The following HR variants were observed in gnomAD, a reference collection of about 807,000 sequenced individuals.
HR encodes HR lysine demethylase and nuclear receptor corepressor, also known as lysine-specific demethylase hairless.
Under a neutral mutation model 128.6 loss-of-function variants are expected in HR, and 83 were observed. The observed-to-expected ratio is 0.65, with a 90% CI of 0.54 to 0.77. HR has a LOEUF of 0.77. Ranked by LOEUF, HR falls within the 30% of genes least tolerant of loss-of-function variation. The pLI, the probability that HR is intolerant of heterozygous loss-of-function variation, is 0.00. For synonymous variants in HR, 681 were observed against 658.2 expected, an observed-to-expected ratio of 1.03 and a Z score of -0.53; for missense variants, 1,490 against 1,574.6, an observed-to-expected ratio of 0.95 and a Z score of 0.91.
chr8:22,129,037 T>C lies in HR; in HGVS notation c.134A>G (p.Glu45Gly), dbSNP rs1826981387. 1 of 1,605,290 alleles carries C rather than the reference T, an allele frequency of 6.2e-7. No individual in the cohort carries two copies. Among genetic ancestry groups the C allele is most frequent in the South Asian group, 1.1e-5 (1 of 90,246 alleles). Residue 45 changes from glutamate (E) to glycine (G), a missense_variant, in exon 2 of 19, where the codon GAG becomes GGG. Physicochemically the swap from Glu to Gly is moderately conservative, Grantham distance 98. Around this residue, in one of 3 missense-constraint regions of HR, gnomAD observed 1,060 missense variants for 1,060.9 expected, o/e 1.00. Transcript: ENST00000381418. ...GACGCCCCTCCAAAAGGGAGCAGGC[T>C]CTCCCAGGCACAGCGGCCCATGGTG... ...GLHHGPLCLG[E>G]PAPFWRGVLS...
At position 22,128,841 on chromosome 8, in the gene HR, G is replaced by A. The variant is rs1167484231; in HGVS notation, c.330C>T (p.Phe110=). The change falls in exon 2 of 19, where the codon TTC becomes TTT. Residue 110 remains phenylalanine (F), a synonymous_variant. Transcript: ENST00000381418. ...KEAMLTHPLA[F]CGPACPPRCG... ...AGCGAGGTGGGCACGCTGGCCCGCA[G>A]AATGCCAGCGGATGGGTAAGCATGG... 6.2e-7 allele frequency: 1 copy of A among 1,613,326 alleles called. No homozygotes were observed. The highest frequency in any genetic ancestry group is 8.5e-7 in the Non-Finnish European group (1 of 1,180,022).
chr8:22,123,617 T>TGTCCCCCC, intron 6 of HR, 32 bp downstream of exon 6: 4 of 292,092 alleles, frequency 1.4e-5, no homozygotes, highest in Non-Finnish European at 1.2e-5. Context: ...GAGGGCTCCA[T>TGTCCCCCC]CCCGCCCTCC....
chr8:22,123,465 A>G (rs1484726410), intron 6 of HR, among the ~76,000 whole-genome samples, 184 bp downstream of exon 6: 6 of 152,356 alleles, frequency 3.9e-5, no homozygotes, highest in African/African-American at 1.4e-4. Flanking sequence ...GGACGCAGGC[A>G]TGGTCCTCTG....
rs556259214 is a variant in HR at position 22,117,012 on chromosome 8, C to G, written c.3241G>C (p.Glu1081Gln). The change falls in exon 17 of 19, where the codon GAG becomes CAG. Residue 1081 changes from glutamate (E) to glutamine (Q), a missense_variant. Glu to Gln is a conservative substitution (Grantham distance 29, BLOSUM62 2). This residue lies in a region of HR where 423 missense variants were observed against 495.9 expected (regional missense o/e 0.85). Coordinates refer to ENST00000381418, the MANE Select transcript of HR (RefSeq NM_005144.5). ...TAGCAGCTGCCTGGGGCGCCAGGCT[C>G]CAGGGCGCCTGCCCCGGCCGGGCAC... ...MVCPAGAGALEPGAPGSCYLD... is the reference protein window; with the variant it reads ...MVCPAGAGALQPGAPGSCYLD... 1 of 1,520,904 alleles carries G rather than the reference C, an allele frequency of 6.6e-7. No homozygotes were observed. The highest frequency in any genetic ancestry group is 8.8e-7 in the Non-Finnish European group (1 of 1,139,198). 94.2% of individuals were successfully genotyped at this position (1,520,904 alleles called of 1,614,324 possible).
rs148782064 is a variant in HR, at chr8:22,128,756, G to A, written c.415C>T (p.Arg139Trp). ...AGAAGGAAAGGGCAGTGCCAGGGCC[G>A]GAAGGCCACAGGGTCACTCTTGAGA... ...GHLKSDPVAF[R>W]PWHCPFLLET... The change falls in exon 2 of 19, where the codon CGG (arginine) becomes TGG (tryptophan). Residue 139 changes from arginine to tryptophan, a missense_variant. Coordinates refer to ENST00000381418, the MANE Select transcript of HR (RefSeq NM_005144.5). The A allele has an allele frequency of 2.6e-5, 42 of 1,602,768 alleles. 1 individual carries two copies. The Admixed American group carries it at 2.9e-4, about 11-fold the overall frequency.
Position 22,125,592 on chromosome 8 carries a change from G to A in HR, c.1546C>T (p.Gln516Ter). ...GGGGCAATGGCTCACCTCCGCACTT[G>A]CTGAGAGTGGCAGGCGTGCCCTCCT... ...EGGGHACHSQ[Q>*]VRRSPLGGEL... The change falls in exon 4 of 19, where the codon CAA (glutamine) becomes TAA (stop). Residue 516 changes from glutamine to a stop codon, truncating the protein, a stop_gained. Transcript: ENST00000381418. LOFTEE classifies it high-confidence loss of function. The A allele has an allele frequency of 1.2e-6, 2 of 1,612,884 alleles. No individual in the cohort carries two copies. The highest frequency in any genetic ancestry group is 2.2e-5 in the South Asian group (2 of 90,744).
rs1361132822 is a variant in HR, at chr8:22,116,817, A to G, written c.3378+58T>C. ...GGGATGTTGGATGCCTGCGGCCTTG[A>G]TTGGGTCGCTTCTGCCATCCTGATC... On this transcript the variant is annotated intron_variant, in intron 17 of 18. Transcript: ENST00000381418. This position sits in a 1 kb window ranked among gnomAD's most constrained non-coding sequence, Gnocchi z 4.2. The G allele has an allele frequency of 1.3e-6, 2 of 1,539,346 alleles. No homozygotes were observed. The highest frequency in any genetic ancestry group is 2.7e-5 in the African/African-American group (2 of 73,092).
chr8:22,116,344 G>T lies in HR; in HGVS notation c.3463C>A (p.Gln1155Lys). Residue 1155 changes from glutamine to lysine, a missense_variant, in exon 18 of 19, where the codon CAG becomes AAG. Physicochemically the swap from Gln to Lys is moderately conservative, Grantham distance 53. Coordinates refer to ENST00000381418, the MANE Select transcript of HR (RefSeq NM_005144.5). The surrounding 1 kb of genome is among the most constrained non-coding windows in gnomAD (Gnocchi z 4.2). ...CAGTCAGGGGGAAGGCTGGGTCCCT[G>T]GTGGCAGAGCTGAGCAGAGAGGGCA... ...TSALSAQLCH[Q>K]GPSLPPDCHL... 1 of 1,613,036 alleles carries T rather than the reference G, an allele frequency of 6.2e-7. No homozygotes were observed. Among genetic ancestry groups the T allele is most frequent in the African/African-American group, 1.3e-5 (1 of 74,998 alleles).
Position 22,116,100 on chromosome 8 carries a change from A to G in HR, c.3507+200T>C, listed in dbSNP as rs773595444. 1.3e-5 allele frequency among the ~76,000 whole-genome samples: 2 copies of G among 152,210 alleles called. No individual in the cohort carries two copies. Among genetic ancestry groups the G allele is most frequent in the African/African-American group, 2.4e-5 (1 of 41,468 alleles). The stretch of plus-strand genomic sequence containing the variant: ...CAGGGAGCTGAGATAGTGCCACTGC[A>G]CTCCAGCCTAGGTGACAGAACAAGA... On this transcript the variant is annotated intron_variant, in intron 18 of 18. Transcript: ENST00000381418. The surrounding 1 kb of genome is among the most constrained non-coding windows in gnomAD (Gnocchi z 4.2).
Position 22,115,628 on chromosome 8 carries a change from T to A in HR, c.*72A>T. 5 of 1,296,268 alleles carry A rather than the reference T, an allele frequency of 3.9e-6. No homozygotes were observed. Among genetic ancestry groups the A allele is most frequent in the Non-Finnish European group, 4.5e-6 (4 of 892,912 alleles). 80.3% of individuals were successfully genotyped at this position (1,296,268 alleles called of 1,614,324 possible). A position where few individuals can be genotyped will look rare whatever the true frequency, so the allele number is the denominator to read the frequency against. ...CCCCAAGTCCCCTAGCGCCATCCCC[T>A]GCTGAAGTTGTGCCTGGGCTGAGCA... On this transcript the variant is annotated 3_prime_UTR_variant, in exon 19 of 19. Transcript: ENST00000381418.
Position 22,116,173 on chromosome 8 carries a change from C to A in HR, c.3507+127G>T. ...AAACAAACTAAACAAAAGGAATACT[C>A]TGCCCCTGCACAGGGTGGCTGCCTG... On this transcript the variant is annotated intron_variant, in intron 18 of 18. Coordinates refer to ENST00000381418, the MANE Select transcript of HR (RefSeq NM_005144.5). This position sits in a 1 kb window ranked among gnomAD's most constrained non-coding sequence, Gnocchi z 4.2. 1.6e-6 allele frequency: 2 copies of A among 1,283,708 alleles called. No homozygotes were observed. Among genetic ancestry groups the A allele is most frequent in the East Asian group, 2.4e-5 (1 of 42,420 alleles). 79.5% of individuals were successfully genotyped at this position (1,283,708 alleles called of 1,614,324 possible).
Position 22,120,133 on chromosome 8 carries a change from G to C in HR, c.2817C>G (p.His939Gln). ...TGGTGTCCTCATCCCCCAAAGCTCG[G>C]TGCAGCAGGAGGACAGAGCCCTCGT... ...KSDEGSVLLL[H>Q]RALGDEDTSR... is the part of the protein sequence containing the mutation. Residue 939 changes from histidine to glutamine, a missense_variant, in exon 13 of 19, where the codon CAC becomes CAG. This residue lies in a region of HR where 423 missense variants were observed against 495.9 expected (regional missense o/e 0.85). Transcript: ENST00000381418. The C allele has an allele frequency of 6.3e-7, 1 of 1,593,400 alleles. No homozygotes were observed. Among genetic ancestry groups the C allele is most frequent in the Admixed American group, 1.8e-5 (1 of 55,574 alleles).
Position 22,122,709 on chromosome 8 carries a change from G to T in HR, c.2005+81C>A, listed in dbSNP as rs1426892038. On this transcript the variant is annotated intron_variant, in intron 7 of 18. Coordinates refer to ENST00000381418, the MANE Select transcript of HR (RefSeq NM_005144.5). ...TTGCCAAGCAGAAGGGCATGGCACT[G>T]GGGGGAGGGACAATCAGACGGGAAG... The T allele has an allele frequency of 2.0e-6, 3 of 1,480,436 alleles. No homozygotes were observed. The South Asian group carries it at 3.6e-5, about 18-fold the overall frequency. The allele number at this position is 1,480,436 out of a possible 1,614,324, so 91.7% of individuals were successfully genotyped here. A position where few individuals can be genotyped will look rare whatever the true frequency, so the allele number is the denominator to read the frequency against.
rs1232631054 is a variant in HR, at chr8:22,123,692, G to A, written c.1872C>T (p.Ala624=). ...CPRCSHRLCV[A]CGRVAGTGRA... ...GCCCAGTGCCTGCCACACGACCACAGGCCACACACAGCCGGTGGCTGCAGC... is the reference window on the plus strand; with the variant it reads ...GCCCAGTGCCTGCCACACGACCACAAGCCACACACAGCCGGTGGCTGCAGC... Residue 624 remains alanine (A), a synonymous_variant, in exon 6 of 19, where the codon GCC becomes GCT. Transcript: ENST00000381418. The A allele has an allele frequency of 1.5e-6, 2 of 1,341,916 alleles. No individual in the cohort carries two copies. 83.1% of individuals were successfully genotyped at this position (1,341,916 alleles called of 1,614,324 possible). A position where few individuals can be genotyped will look rare whatever the true frequency, so the allele number is the denominator to read the frequency against.
rs754376572 is a variant in HR at position 22,116,959 on chromosome 8, C to T, written c.3294G>A (p.Leu1098=). 1.2e-5 allele frequency: 18 copies of T among 1,539,080 alleles called. No homozygotes were observed. The highest frequency in any genetic ancestry group is 5.8e-5 in the Admixed American group (3 of 51,286). The part of the protein sequence containing the change: ...CYLDAGLRRR[L]REEWGVSCWT... ...AGCAGCTCACGCCCCACTCCTCCCG[C>T]AGGCGCCGCCGCAGCCCTGCATCCA... The change falls in exon 17 of 19, where the codon CTG becomes CTA. Residue 1098 remains leucine (L), a synonymous_variant. Coordinates refer to ENST00000381418, the MANE Select transcript of HR (RefSeq NM_005144.5). This position sits in a 1 kb window ranked among gnomAD's most constrained non-coding sequence, Gnocchi z 4.2.
chr8:22,120,883 C>G lies in HR; in HGVS notation c.2443G>C (p.Gly815Arg). The G allele has an allele frequency of 1.3e-6, 2 of 1,554,584 alleles. No homozygotes were observed. Among genetic ancestry groups the G allele is most frequent in the Non-Finnish European group, 1.7e-6 (2 of 1,149,062 alleles). Reference protein sequence around the residue: ...VERKIQEKALGPGLRAGPGLR... With the variant: ...VERKIQEKALRPGLRAGPGLR... Reference sequence around the variant, plus strand: ...CCCGGGCCAGCTCGAAGCCCCGGCCCCAGGGCTTTCTCCTGGATCTTCCGT... The same window carrying G: ...CCCGGGCCAGCTCGAAGCCCCGGCCGCAGGGCTTTCTCCTGGATCTTCCGT... Residue 815 changes from glycine to arginine, a missense_variant, in exon 11 of 19, where the codon GGG (glycine) becomes CGG (arginine). Around this residue, in one of 3 missense-constraint regions of HR, gnomAD observed 423 missense variants for 495.9 expected, o/e 0.85. Coordinates refer to ENST00000381418, the MANE Select transcript of HR (RefSeq NM_005144.5).
intron 1 of HR, among the ~76,000 whole-genome samples, chr8:22,130,049 C>A (rs1050946108): frequency 6.6e-6 from 1 of 152,142 alleles, no homozygotes; most frequent in African/African-American, 2.4e-5. Flanking sequence ...TTCAGCCTGG[C>A]GGGGAGGGGA....
At chr8:22,129,248 C>T in intron 1 of HR, 38 bp from the exon 2 acceptor site, 1 of 1,488,578 alleles carries the variant, frequency 6.7e-7, no homozygotes, top group Middle Eastern at 2.0e-4. Context: ...TTCTGGGGCA[C>T]ATGTCCCAAG....
Position 22,122,603 on chromosome 8 carries a change from C to A in HR, c.2011G>T (p.Ala671Ser). 1 of 1,607,698 alleles carries A rather than the reference C, an allele frequency of 6.2e-7. No homozygotes were observed. Among genetic ancestry groups the A allele is most frequent in the Non-Finnish European group, 8.5e-7 (1 of 1,176,642 alleles). ...LTQFVSSQAL[A>S]ELSTAMHQVW... is the part of the protein sequence containing the mutation. The stretch of plus-strand genomic sequence containing the variant: ...TGGTGCATTGCAGTGCTCAGCTCTG[C>A]CAAAGCTGGGGGTGGGGGTGGGCAG... The change falls in exon 8 of 19, where the codon GCA (alanine) becomes TCA (serine). Residue 671 changes from alanine (A) to serine (S), a missense_variant. Ala to Ser is a moderately conservative substitution (Grantham distance 99). Coordinates refer to ENST00000381418, the MANE Select transcript of HR (RefSeq NM_005144.5).
Sources: gnomAD v4.1 joint callset for allele counts (sites outside exome capture counted in the v4.1 genomes callset) on GRCh38, gnomAD v4.1.1 for gene constraint, gnomAD v4.1.1 regional missense constraint, Gnocchi (gnomAD v3.1) non-coding constraint, MANE v1.5 for transcripts, NCBI Gene and HGNC (gene_info 2026-07-23, HGNC 2026-07-21) for gene names.